ANOS1: variants seen among roughly 807,000 people sequenced by gnomAD.
The protein encoded by ANOS1 is anosmin-1.
A neutral mutation model predicts 59.0 loss-of-function variants in ANOS1; 6 were observed. That is an observed-to-expected ratio of 0.10 (90% CI 0.06 to 0.20). The LOEUF (loss-of-function observed/expected upper bound fraction) is 0.20. Among genes scored for constraint, ANOS1 ranks in the 10% least tolerant of loss-of-function variants. ANOS1 has a pLI of 1.00. For synonymous variants in ANOS1, 217 were observed against 223.4 expected (o/e 0.97, Z 0.25); for missense variants, 433 against 542.3 (o/e 0.80, Z 2.00).
At chrX:8,586,250 A>G (rs73199016) in intron 5 of ANOS1, among the ~76,000 whole-genome samples, 10,446 of 111,759 alleles carry the variant, frequency 0.093, 442 homozygotes, top group Admixed American at 0.13. Context: ...CAAACTTCAG[A>G]TTATAATAAC....
intron 2 of ANOS1, among the ~76,000 whole-genome samples, chrX:8,646,932 CAAAAA>C (rs775821235): frequency 1.9e-5 from 1 of 51,859 alleles, no homozygotes. Flanking sequence ...GAACCTGTCT[CAAAAA>C]AAAAAAAAAA....
At chrX:8,591,709 G>A (rs1008350681) in intron 4 of ANOS1, among the ~76,000 whole-genome samples, 2 of 111,985 alleles carry the variant, frequency 1.8e-5, no homozygotes, top group South Asian at 3.7e-4. Context: ...TAACTCCAGC[G>A]CTCTACTGTA....
In ANOS1 at chrX:8,685,652, GAAAGAAAA is replaced by G. The variant is rs1488987153; in HGVS notation, c.255+14038_255+14045del. 1.2e-3 allele frequency among the ~76,000 whole-genome samples: 113 copies of G among 97,394 alleles called. 1 individual carries two copies. The East Asian group carries it at 0.02, about 17-fold the overall frequency. The allele number at this position is 97,394 out of a possible 115,157, so 84.6% of individuals were successfully genotyped here. A position where few individuals can be genotyped will look rare whatever the true frequency, so the allele number is the denominator to read the frequency against. ...AGAAAGAAAGAAAGAAAGAAAGAAA[GAAAGAAAA>G]AGAAAGGAAGGAAGGAGGGAGGAAG... On this transcript the variant is annotated intron_variant, in intron 2 of 13. Transcript: ENST00000262648.
At chrX:8,730,533 T>C (rs1329270672) in intron 1 of ANOS1, among the ~76,000 whole-genome samples, 1 of 112,471 alleles carries the variant, frequency 8.9e-6, no homozygotes, top group African/African-American at 3.2e-5. Flanking sequence ...TCCACCCTTA[T>C]TAATATGGCC....
intron 1 of ANOS1, among the ~76,000 whole-genome samples, chrX:8,727,438 C>T (rs1316433222): frequency 8.9e-6 from 1 of 112,382 alleles, no homozygotes; most frequent in Non-Finnish European, 1.9e-5. Context: ...TGTCCCCATT[C>T]CATGCTAGTA....
intron 2 of ANOS1, among the ~76,000 whole-genome samples, chrX:8,688,937 T>C (rs1017552855): frequency 8.9e-6 from 1 of 112,069 alleles, no homozygotes; most frequent in East Asian, 2.8e-4. Flanking sequence ...ACCATGAGAA[T>C]GACAGTGGTC....
chrX:8,659,596 T>G (rs1407410776), intron 2 of ANOS1, among the ~76,000 whole-genome samples: 2 of 41,917 alleles, frequency 4.8e-5, no homozygotes, highest in Non-Finnish European at 1.0e-4. Flanking sequence ...CTTCCTTCCT[T>G]CCTTCCTTCC....
At chrX:8,684,638 C>G (rs1048009252) in intron 2 of ANOS1, among the ~76,000 whole-genome samples, 20 of 110,523 alleles carry the variant, frequency 1.8e-4, no homozygotes, top group African/African-American at 5.9e-4. Context: ...AAGCCAACCT[C>G]GAATGCCTGC....
Position 8,531,616 on chromosome X carries a change from T to C in ANOS1, c.*1379A>G, listed in dbSNP as rs1429714278. On this transcript the variant is annotated 3_prime_UTR_variant, in exon 14 of 14. Transcript: ENST00000262648. Reference sequence around the variant, plus strand: ...AAAGAGCTGTATCTTTACTCACCATTGGTGAGCTACGAAAACGATTTCTCC... The same window carrying C: ...AAAGAGCTGTATCTTTACTCACCATCGGTGAGCTACGAAAACGATTTCTCC... 1.8e-5 allele frequency: 2 copies of C among 111,646 alleles called. No homozygotes were observed. Among genetic ancestry groups the C allele is most frequent in the African/African-American group, 3.3e-5 (1 of 30,760 alleles). The allele number at this position is 111,646 out of a possible 1,213,427, so 9.2% of individuals were successfully genotyped here.
At chrX:8,544,805 G>T (rs1017489785) in intron 9 of ANOS1, among the ~76,000 whole-genome samples, 9 of 109,895 alleles carry the variant, frequency 8.2e-5, no homozygotes, top group Non-Finnish European at 7.6e-5. Flanking sequence ...TGTGGGTCAC[G>T]CCTGTAATCC....
At chrX:8,662,521 G>A (rs2146873110) in intron 2 of ANOS1, among the ~76,000 whole-genome samples, 1 of 112,076 alleles carries the variant, frequency 8.9e-6, no homozygotes, top group Non-Finnish European at 1.9e-5. Flanking sequence ...ATTTCATGTG[G>A]GATGCTGTCA....
At chrX:8,724,514 CT>C (rs1186719956) in intron 1 of ANOS1, among the ~76,000 whole-genome samples, 1 of 112,438 alleles carries the variant, frequency 8.9e-6, no homozygotes, top group Non-Finnish European at 1.9e-5. Flanking sequence ...GGGGGCTGAC[CT>C]CCTATATCCC....
intron 3 of ANOS1, among the ~76,000 whole-genome samples, chrX:8,600,903 G>A (rs765352397): frequency 8.9e-6 from 1 of 112,404 alleles, no homozygotes; most frequent in South Asian, 3.7e-4. Context: ...AGAAATACTT[G>A]TATTAGGCCG....
At chrX:8,696,055 G>C (rs1167415008) in intron 2 of ANOS1, among the ~76,000 whole-genome samples, 1 of 111,856 alleles carries the variant, frequency 8.9e-6, no homozygotes, top group Non-Finnish European at 1.9e-5. Context: ...AGATAGAAAG[G>C]TATTTCCTCT....
At chrX:8,581,289 T>A (rs1312328311) in intron 6 of ANOS1, among the ~76,000 whole-genome samples, 2 of 111,534 alleles carry the variant, frequency 1.8e-5, no homozygotes, top group Non-Finnish European at 3.8e-5. Context: ...CTGCTTTTGC[T>A]TCTTCCTCAT....
intron 3 of ANOS1, 135 bp from the exon 4 acceptor site, chrX:8,597,391 G>C: frequency 1.8e-6 from 1 of 555,675 alleles, no homozygotes; most frequent in Admixed American, 2.8e-5. Flanking sequence ...GCATGTATTT[G>C]TTTTCTTTTC....
At chrX:8,539,094 C>T (rs1219457097) in intron 10 of ANOS1, among the ~76,000 whole-genome samples, 1 of 110,277 alleles carries the variant, frequency 9.1e-6, no homozygotes, top group African/African-American at 3.3e-5. Flanking sequence ...CATGAATGAA[C>T]CCCAAAATAT....
Position 8,683,036 on chromosome X carries a change from G to A in ANOS1, c.255+16662C>T, listed in dbSNP as rs1328791590. 7.2e-5 allele frequency among the ~76,000 whole-genome samples: 8 copies of A among 111,099 alleles called. No individual in the cohort carries two copies. The South Asian group carries it at 1.6e-3, about 22-fold the overall frequency. On this transcript the variant is annotated intron_variant, in intron 2 of 13. Coordinates refer to ENST00000262648, the MANE Select transcript of ANOS1 (RefSeq NM_000216.4). ...CGGGAATCTGCATTTGAGCAAGCCC[G>A]CCACGGGATTCTTGAGCATGCTAAA... is the stretch of plus-strand genomic sequence containing the variant.
At chrX:8,702,811 A>G (rs917541550) in intron 1 of ANOS1, among the ~76,000 whole-genome samples, 1 of 111,921 alleles carries the variant, frequency 8.9e-6, no homozygotes, top group African/African-American at 3.2e-5. Context: ...CACCTTCTAA[A>G]GAGACTCAGG....
Sources: gnomAD v4.1 joint callset for allele counts (sites outside exome capture counted in the v4.1 genomes callset) on GRCh38, gnomAD v4.1.1 for gene constraint, MANE v1.5 for transcripts, NCBI Gene and HGNC (gene_info 2026-07-23, HGNC 2026-07-21) for gene names.